ATRX: variants seen among roughly 807,000 people sequenced by gnomAD.
The protein encoded by ATRX is ATRX chromatin remodeler, also known as chromatin remodeler ATRX.
ATRX carries 12 observed loss-of-function variants against 172.6 expected under a neutral mutation model. The ratio of observed to expected loss-of-function variants is 0.07; its 90% CI spans 0.04 to 0.11. ATRX has a LOEUF of 0.11. Among genes scored for constraint, ATRX ranks in the 10% least tolerant of loss-of-function variants. The pLI is 1.00. For synonymous variants in ATRX, 674 were observed against 594.7 expected, an observed-to-expected ratio of 1.13 and a Z score of -1.94; for missense variants, 1,368 against 1,767.4, an observed-to-expected ratio of 0.77 and a Z score of 4.05.
At chrX:77,688,254 T>C (rs782538635) in intron 7 of ATRX, among the ~76,000 whole-genome samples, 27 of 111,499 alleles carry the variant, frequency 2.4e-4, no homozygotes, top group Admixed American at 1.0e-3. Context: ...TTATAGATAT[T>C]TAAAATTAAC....
chrX:77,736,285 A>G (rs1375548764), intron 1 of ATRX, among the ~76,000 whole-genome samples: 1 of 111,993 alleles, frequency 8.9e-6, no homozygotes, highest in Non-Finnish European at 1.9e-5. Flanking sequence ...AACAACCCAA[A>G]GAATGGGAGA....
intron 30 of ATRX, among the ~76,000 whole-genome samples, chrX:77,544,518 T>G (rs2064155305): frequency 9.1e-6 from 1 of 109,434 alleles, no homozygotes; most frequent in Admixed American, 9.8e-5. Flanking sequence ...CTGCACCCAC[T>G]AACTCGTCAT....
intron 22 of ATRX, among the ~76,000 whole-genome samples, chrX:77,604,331 C>G (rs1315919130): frequency 1.8e-5 from 2 of 111,654 alleles, no homozygotes; most frequent in African/African-American, 6.5e-5. Flanking sequence ...AAAAAGTGGG[C>G]AAAAGACATA....
chrX:77,664,404 C>T (rs1214519321), intron 11 of ATRX, among the ~76,000 whole-genome samples: 1 of 110,146 alleles, frequency 9.1e-6, no homozygotes, highest in African/African-American at 3.3e-5. Flanking sequence ...GGACTACAGG[C>T]ACGCACTATC....
At chrX:77,619,668 CAT>C (rs2067500993) in intron 20 of ATRX, among the ~76,000 whole-genome samples, 1 of 110,373 alleles carries the variant, frequency 9.1e-6, no homozygotes, top group Non-Finnish European at 1.9e-5. Context: ...TAAAAACAAA[CAT>C]AAAGTATAGG....
chrX:77,641,390 C>A (rs1302925020), intron 15 of ATRX, among the ~76,000 whole-genome samples: 2 of 109,782 alleles, frequency 1.8e-5, no homozygotes, highest in African/African-American at 6.6e-5. Flanking sequence ...CCAGCCTGGG[C>A]AACGTGGTGA....
At position 77,681,653 on chromosome X, in the gene ATRX, T is replaced by C. The variant is rs1422765080; in HGVS notation, c.3603A>G (p.Thr1201=). 3 of 1,206,840 alleles carry C rather than the reference T, an allele frequency of 2.5e-6. No individual in the cohort carries two copies. In the African/African-American group the frequency reaches 5.3e-5, roughly 21 times the overall value. Residue 1201 remains threonine, a synonymous_variant, in exon 9 of 35, where the codon ACA becomes ACG. Transcript: ENST00000373344. ...CTTCTATATCAGAAGAAGATGAGGATGTAATGTCAGCTTGCTTCCTTTTAG... is the reference window on the plus strand; with the variant it reads ...CTTCTATATCAGAAGAAGATGAGGACGTAATGTCAGCTTGCTTCCTTTTAG... ...TSTKRKQADI[T]SSSSSDIEDD...
At chrX:77,620,930 A>G (rs1164817011) in intron 19 of ATRX, among the ~76,000 whole-genome samples, 2 of 112,428 alleles carry the variant, frequency 1.8e-5, no homozygotes, top group Non-Finnish European at 3.8e-5. Flanking sequence ...AAAGACTAAG[A>G]GCAATGTATA....
chrX:77,645,079 C>A (rs782650336), intron 15 of ATRX, among the ~76,000 whole-genome samples: 1 of 111,266 alleles, frequency 9.0e-6, no homozygotes, highest in African/African-American at 3.3e-5. Context: ...ACTTTAGAGG[C>A]CAGAAGGCAG....
chrX:77,687,987 G>A (rs1166181947), intron 7 of ATRX, among the ~76,000 whole-genome samples: 1 of 111,714 alleles, frequency 9.0e-6, no homozygotes, highest in African/African-American at 3.3e-5. Flanking sequence ...GTCCAGGCTG[G>A]AGTACAATGG....
intron 1 of ATRX, among the ~76,000 whole-genome samples, chrX:77,762,146 CA>C (rs2050547727): frequency 9.3e-6 from 1 of 108,064 alleles, no homozygotes. Flanking sequence ...ACAAAAAATA[CA>C]AAAAAAATTA....
chrX:77,573,721 AT>A (rs1557068873), intron 28 of ATRX, among the ~76,000 whole-genome samples: 1 of 111,805 alleles, frequency 8.9e-6, no homozygotes, highest in Non-Finnish European at 1.9e-5. Flanking sequence ...GCGGGTGGGA[AT>A]GAAAAATTGT....
In ATRX at chrX:77,683,916, T is replaced by G; in HGVS notation, c.1340A>C (p.Glu447Ala). ...CTTCTTTTCCAAAGCACAAGGTTTT[T>G]CTCCTTTTCGTGCTTTTGTTTCAAA... Reference protein sequence around the residue: ...AKFETKARKGEKPCALEKKDI... With the variant: ...AKFETKARKGAKPCALEKKDI... Residue 447 changes from glutamate to alanine, a missense_variant, in exon 9 of 35, where the codon GAA becomes GCA. By Grantham distance (107) the Glu-to-Ala change is moderately radical. Coordinates refer to ENST00000373344, the MANE Select transcript of ATRX (RefSeq NM_000489.6). The G allele has an allele frequency of 8.3e-7, 1 of 1,210,181 alleles. No individual in the cohort carries two copies. The highest frequency in any genetic ancestry group is 3.0e-5 in the East Asian group (1 of 33,861).
At chrX:77,529,133 C>A (rs2063489273) in intron 30 of ATRX, among the ~76,000 whole-genome samples, 1 of 111,681 alleles carries the variant, frequency 9.0e-6, no homozygotes, top group Non-Finnish European at 1.9e-5. Flanking sequence ...AAGGAATGAA[C>A]CTCTGAGAAT....
At chrX:77,649,382 A>C (rs1557115611) in intron 15 of ATRX, among the ~76,000 whole-genome samples, 8 of 112,082 alleles carry the variant, frequency 7.1e-5, no homozygotes, top group Non-Finnish European at 1.9e-5. Flanking sequence ...AAAATAAATG[A>C]CAGATTGGAA....
At chrX:77,586,538 T>C (rs1203713101) in intron 27 of ATRX, among the ~76,000 whole-genome samples, 1 of 112,027 alleles carries the variant, frequency 8.9e-6, no homozygotes, top group Admixed American at 9.4e-5. Context: ...AAGATATCAT[T>C]ATTCATCTAT....
In ATRX at chrX:77,666,785, G is replaced by A. The variant is rs896143343; in HGVS notation, c.3810-2007C>T. Among the ~76,000 whole-genome samples, 3 of 111,646 alleles carry A rather than the reference G, an allele frequency of 2.7e-5. No homozygotes were observed. The Admixed American group carries it at 2.8e-4, about 11-fold the overall frequency. On this transcript the variant is annotated intron_variant, in intron 10 of 34. Coordinates refer to ENST00000373344, the MANE Select transcript of ATRX (RefSeq NM_000489.6). ...TGAGGCAGGAGAATTGCTTGAACCC[G>A]GGAGGCGGAGGTTGCAGTGAGCTGA... is the stretch of plus-strand genomic sequence containing the variant.
At chrX:77,511,785 A>C (rs917144888) in intron 34 of ATRX, among the ~76,000 whole-genome samples, 1 of 111,655 alleles carries the variant, frequency 9.0e-6, no homozygotes, top group Non-Finnish European at 1.9e-5. Context: ...AGACAAAAGA[A>C]AAAAGAACAA....
rs782564983 is a variant in ATRX, at chrX:77,659,024, G to A, written c.4121-2371C>T. 3.6e-5 allele frequency among the ~76,000 whole-genome samples: 4 copies of A among 111,655 alleles called. No individual in the cohort carries two copies. In the East Asian group the frequency reaches 1.1e-3, roughly 31 times the overall value. Reference sequence around the variant, plus strand: ...GCTAACAGAAATGCTATAAATGGGAGAACATAAATGCTATAAAGAAATGTC... The same window carrying A: ...GCTAACAGAAATGCTATAAATGGGAAAACATAAATGCTATAAAGAAATGTC... On this transcript the variant is annotated intron_variant, in intron 12 of 34. Transcript: ENST00000373344.
Sources: allele counts gnomAD v4.1 joint callset (sites outside exome capture counted in the v4.1 genomes callset), GRCh38; gene constraint gnomAD v4.1.1; transcripts MANE v1.5; gene names NCBI Gene and HGNC (gene_info 2026-07-23, HGNC 2026-07-21).